The following CTPS2 variants were observed in gnomAD, a reference collection of about 807,000 sequenced individuals.
CTPS2 encodes the protein CTP synthase II.
A neutral mutation model predicts 46.8 loss-of-function variants in CTPS2; 19 were observed. The ratio of observed to expected loss-of-function variants is 0.41; its 90% confidence interval spans 0.28 to 0.60. The LOEUF (loss-of-function observed/expected upper bound fraction) is 0.60. Ranked by LOEUF, CTPS2 falls within the 20% of genes least tolerant of loss-of-function variation. The probability of loss-of-function intolerance (pLI) is 0.35; values close to 1 mark genes in which losing one functional copy is unlikely to be tolerated. For synonymous variants in CTPS2, 151 were observed against 165.2 expected, an observed-to-expected ratio of 0.91 and a Z score of 0.66; for missense variants, 286 against 447.6, an observed-to-expected ratio of 0.64 and a Z score of 3.26.
intron 13 of CTPS2, among the ~76,000 whole-genome samples, chrX:16,644,692 A>G (rs1263862312): frequency 8.9e-6 from 1 of 112,245 alleles, no homozygotes; most frequent in Non-Finnish European, 1.9e-5. Flanking sequence ...CAGAAGGAAC[A>G]CTGCCCTGCC....
intron 13 of CTPS2, among the ~76,000 whole-genome samples, chrX:16,639,778 AAAGAAAGAAAG>A (rs1252695053): frequency 5.6e-3 from 82 of 14,591 alleles, no homozygotes; most frequent in East Asian, 0.01. Context: ...AAGGAAAAGA[AAAGAAAGAAAG>A]AAAGAAAGAA....
At chrX:16,704,080 G>A (rs866834149) in intron 1 of CTPS2, among the ~76,000 whole-genome samples, 4 of 109,493 alleles carry the variant, frequency 3.7e-5, no homozygotes, top group African/African-American at 6.6e-5. Flanking sequence ...CTGGGATTAC[G>A]GGCATGCACC....
intron 17 of CTPS2, among the ~76,000 whole-genome samples, chrX:16,596,188 GT>G (rs113800057): frequency 0.19 from 19,291 of 103,949 alleles, 1,476 homozygotes; most frequent in Middle Eastern, 0.29. Context: ...GTTTTTTTTT[GT>G]TTTTTTTTTT....
intron 2 of CTPS2, among the ~76,000 whole-genome samples, chrX:16,702,182 G>A (rs1396214673): frequency 9.1e-6 from 1 of 109,746 alleles, no homozygotes; most frequent in African/African-American, 3.3e-5. Flanking sequence ...AGCCTCCTGA[G>A]TAGATGGGAC....
At chrX:16,682,102 C>T (rs7886749) in intron 9 of CTPS2, among the ~76,000 whole-genome samples, 12,268 of 111,583 alleles carry the variant, frequency 0.11, 963 homozygotes, top group African/African-American at 0.27. Flanking sequence ...GCAATTACGA[C>T]GTACTTAAAC....
intron 13 of CTPS2, among the ~76,000 whole-genome samples, chrX:16,662,402 T>C (rs66966127): frequency 0.13 from 14,967 of 111,183 alleles, 763 homozygotes; most frequent in East Asian, 0.16. Flanking sequence ...CTGTTTCTCT[T>C]TTTATGTGTA....
rs768426995 is a variant in CTPS2, at chrX:16,639,214, G to C, written c.1326C>G (p.Gly442=). The part of the protein sequence containing the change: ...LVIDMPEHNP[G]NLGGTMRLGI... Reference sequence around the variant, plus strand: ...CCAGTCTCATTGTTCCTCCCAAATTGCCAGGGTTGTGCTCGGGCATATCAA... The same window carrying C: ...CCAGTCTCATTGTTCCTCCCAAATTCCCAGGGTTGTGCTCGGGCATATCAA... Residue 442 remains glycine (G), a synonymous_variant, in exon 14 of 19, where the codon GGC becomes GGG. Coordinates refer to ENST00000359276, the MANE Select transcript of CTPS2 (RefSeq NM_175859.3). 1.7e-6 allele frequency: 2 copies of C among 1,208,734 alleles called. No individual in the cohort carries two copies. The highest frequency in any genetic ancestry group is 3.5e-5 in the African/African-American group (2 of 57,730).
intron 10 of CTPS2, among the ~76,000 whole-genome samples, chrX:16,674,192 T>G (rs967414361): frequency 6.3e-5 from 7 of 110,595 alleles, no homozygotes; most frequent in Non-Finnish European, 1.3e-4. Flanking sequence ...AGACGAAGTT[T>G]CACTCTTGTT....
chrX:16,673,178 G>A (rs931712683), intron 10 of CTPS2, among the ~76,000 whole-genome samples: 5 of 111,035 alleles, frequency 4.5e-5, no homozygotes, highest in African/African-American at 1.6e-4. Context: ...GAGCCACCGC[G>A]CCCGGCCGAG....
chrX:16,712,293 C>G (rs929611955), intron 1 of CTPS2, 42 bp downstream of exon 1: 5 of 112,339 alleles, frequency 4.5e-5, no homozygotes, highest in African/African-American at 1.3e-4. Context: ...GCCCGGGCGC[C>G]GAGGCCCTGG....
chrX:16,594,039 G>A (rs372195322), intron 17 of CTPS2, among the ~76,000 whole-genome samples: 3 of 111,731 alleles, frequency 2.7e-5, no homozygotes, highest in South Asian at 3.8e-4. Flanking sequence ...TCCTATCTGA[G>A]ATGACATGAA....
chrX:16,661,119 C>G (rs1445257804), intron 13 of CTPS2, among the ~76,000 whole-genome samples: 1 of 111,110 alleles, frequency 9.0e-6, no homozygotes, highest in Non-Finnish European at 1.9e-5. Flanking sequence ...CTACCACGCT[C>G]AGCTAATTTT....
chrX:16,596,084 G>A (rs961750876), intron 17 of CTPS2, among the ~76,000 whole-genome samples: 19 of 111,381 alleles, frequency 1.7e-4, no homozygotes, highest in Admixed American at 6.6e-4. Flanking sequence ...ATGTTGCCCA[G>A]GCTGGCCTAG....
At position 16,630,201 on chromosome X, in the gene CTPS2, A is replaced by G. The variant is rs73630557; in HGVS notation, c.1393+8946T>C. On this transcript the variant is annotated intron_variant, in intron 14 of 18. Transcript: ENST00000359276. Reference sequence around the variant, plus strand: ...TCACCAGGTCCTAGTCTCCAGTTGTATAAACTGCACTGCCCTGGGCTCCTA... The same window carrying G: ...TCACCAGGTCCTAGTCTCCAGTTGTGTAAACTGCACTGCCCTGGGCTCCTA... 3.0e-3 allele frequency among the ~76,000 whole-genome samples: 328 copies of G among 108,795 alleles called. 5 individuals are homozygous for G. The highest frequency in any genetic ancestry group is 0.011 in the African/African-American group (320 of 29,758). 94.5% of individuals were successfully genotyped at this position (108,795 alleles called of 115,157 possible). A position where few individuals can be genotyped will look rare whatever the true frequency, so the allele number is the denominator to read the frequency against.
At chrX:16,681,707 G>A (rs1006238450) in intron 9 of CTPS2, among the ~76,000 whole-genome samples, 4 of 110,244 alleles carry the variant, frequency 3.6e-5, no homozygotes, top group Admixed American at 9.8e-5. Context: ...CACCACACCC[G>A]GCTAACTTTT....
At chrX:16,654,582 C>A in intron 13 of CTPS2, 1 of 531,546 alleles carries the variant, frequency 1.9e-6, no homozygotes, top group Non-Finnish European at 3.1e-6. Context: ...TATGTGGAAT[C>A]CCCCAAAGTC....
intron 13 of CTPS2, among the ~76,000 whole-genome samples, chrX:16,642,047 C>T (rs1188054555): frequency 1.8e-5 from 2 of 112,186 alleles, no homozygotes; most frequent in South Asian, 3.7e-4. Context: ...GGATTAATGA[C>T]TTTGTCATTA....
chrX:16,669,166 C>T (rs140173662), intron 11 of CTPS2, among the ~76,000 whole-genome samples: 8,053 of 110,255 alleles, frequency 0.073, 306 homozygotes, highest in South Asian at 0.18. Flanking sequence ...ACACGATGGG[C>T]CTGAACAGAG....
At position 16,663,982 on chromosome X, in the gene CTPS2, C is replaced by T. The variant is rs762838864; in HGVS notation, c.1296+3532G>A. 1.9e-4 allele frequency among the ~76,000 whole-genome samples: 21 copies of T among 110,667 alleles called. No homozygotes were observed. The East Asian group carries it at 4.3e-3, about 22-fold the overall frequency. ...TCCCGAGTAGCTGGGACTACAGGCG[C>T]GTGCCACCACGCCCAGCTAATTTCT... On this transcript the variant is annotated intron_variant, in intron 13 of 18. Coordinates refer to ENST00000359276, the MANE Select transcript of CTPS2 (RefSeq NM_175859.3).
Sources: gnomAD v4.1 joint callset for allele counts (sites outside exome capture counted in the v4.1 genomes callset) on GRCh38, gnomAD v4.1.1 for gene constraint, MANE v1.5 for transcripts, NCBI Gene and HGNC (gene_info 2026-07-23, HGNC 2026-07-21) for gene names.